The following ACSM3 variants were observed in gnomAD, a reference collection of about 807,000 sequenced individuals.
The protein encoded by ACSM3 is acyl-coenzyme A synthetase ACSM3, mitochondrial.
In ACSM3, 61 loss-of-function variants were observed where a neutral mutation model predicts 74.1. The ratio of observed to expected loss-of-function variants is 0.82; its 90% CI spans 0.67 to 1.02. The LOEUF is 1.02. ACSM3 is among the 50% of genes least tolerant of loss of function. The probability of loss-of-function intolerance (pLI) is 0.00; values close to 1 mark genes in which losing one functional copy is unlikely to be tolerated. For missense variants in ACSM3, 660 were observed against 697.0 expected (o/e 0.95, Z 0.60); for synonymous variants, 213 against 241.5 (o/e 0.88, Z 1.09).
chr16:20,738,891 T>C lies in ACSM3; in HGVS notation c.-189-11019T>C. On this transcript the variant is annotated intron_variant, in intron 1 of 3. Transcript: ENST00000561584. Reference sequence around the variant, plus strand: ...GATCGATAATCTTAGCAAGTATTTGTCACACCTATCCCAAGTGTCCTGATG... The same window carrying C: ...GATCGATAATCTTAGCAAGTATTTGCCACACCTATCCCAAGTGTCCTGATG... 2.5e-6 allele frequency: 4 copies of C among 1,613,826 alleles called. No individual in the cohort carries two copies. In the African/African-American group the frequency reaches 4.0e-5, roughly 16 times the overall value.
intron 1 of ACSM3, among the ~76,000 whole-genome samples, chr16:20,706,548 G>A (rs2079728850): frequency 6.6e-6 from 1 of 152,236 alleles, no homozygotes; most frequent in African/African-American, 2.4e-5. Context: ...TGGAGCCCAA[G>A]ACCTAGGAGA....
chr16:20,727,160 G>GC (rs1297707779), intron 1 of ACSM3, among the ~76,000 whole-genome samples: 1 of 152,108 alleles, frequency 6.6e-6, no homozygotes, highest in Non-Finnish European at 1.5e-5. Context: ...TCACTAATGT[G>GC]CCCCATATGC....
In ACSM3 at chr16:20,719,869, A is replaced by T. The variant is rs140692788; in HGVS notation, c.-189-30041A>T. Among the ~76,000 whole-genome samples the T allele has an allele frequency of 2.4e-4, 36 of 152,364 alleles. No individual in the cohort carries two copies. In the East Asian group the frequency reaches 6.0e-3, roughly 25 times the overall value. ...CGTAATACTCTTCTGGAAATCAGAC[A>T]TGCATGCCCTGCCTTCTCAACCAGG... On this transcript the variant is annotated intron_variant, in intron 1 of 3. Transcript: ENST00000561584.
In ACSM3 at chr16:20,688,637, GA is replaced by G. The variant is rs199595975; in HGVS notation, c.-190+13824del. 2.7e-4 allele frequency among the ~76,000 whole-genome samples: 41 copies of G among 150,348 alleles called. 1 individual carries two copies. The East Asian group carries it at 6.8e-3, about 25-fold the overall frequency. ...GGATGATATATTTAAAGGGCTTAAA[GA>G]AAAAAAAAGCCAACCAAGAATTTTA... On this transcript the variant is annotated intron_variant, in intron 1 of 3. Coordinates refer to the ACSM3 transcript ENST00000561584.
chr16:20,717,841 AAGGAGG>A (rs939046438), intron 1 of ACSM3, among the ~76,000 whole-genome samples: 3 of 149,950 alleles, frequency 2.0e-5, no homozygotes, highest in Admixed American at 2.0e-4. Flanking sequence ...AAGGAAGAAG[AAGGAGG>A]AGGAAGAGGA....
intron 1 of ACSM3, among the ~76,000 whole-genome samples, chr16:20,687,430 G>A (rs1474124199): frequency 2.6e-5 from 4 of 152,116 alleles, no homozygotes; most frequent in African/African-American, 9.7e-5. Context: ...TGCTAGAAAA[G>A]GCCTGAGAAG....
In ACSM3 at chr16:20,775,989, A is replaced by T. The variant is rs1041381470; in HGVS notation, c.370A>T (p.Ile124Phe). Residue 124 changes from isoleucine to phenylalanine, a missense_variant, in exon 3 of 14, where the codon ATT becomes TTT. Physicochemically the swap from Ile to Phe is conservative, Grantham distance 21. Coordinates refer to ENST00000289416, the MANE Select transcript of ACSM3 (RefSeq NM_005622.4). Reference sequence around the variant, plus strand: ...TTCCCTACAAAGAGGAGATCGGGTAATTCTGATTCTGCCCAGGGTCCCAGA... The same window carrying T: ...TTCCCTACAAAGAGGAGATCGGGTATTTCTGATTCTGCCCAGGGTCCCAGA... ...ACSLQRGDRV[I>F]LILPRVPEWW... The T allele has an allele frequency of 6.2e-7, 1 of 1,614,068 alleles. No individual in the cohort carries two copies. The highest frequency in any genetic ancestry group is 1.7e-5 in the Admixed American group (1 of 60,006).
chr16:20,726,958 A>G (rs2079808749), intron 1 of ACSM3, among the ~76,000 whole-genome samples: 2 of 152,212 alleles, frequency 1.3e-5, no homozygotes, highest in South Asian at 2.1e-4. Context: ...GTAGGGGTTG[A>G]GAGGAGTCTA....
chr16:20,756,946 C>G (rs1239360760), intron 3 of ACSM3, among the ~76,000 whole-genome samples: 3 of 151,750 alleles, frequency 2.0e-5, no homozygotes, highest in African/African-American at 7.3e-5. Context: ...GATAGTTGTA[C>G]ATATGCGGCG....
At position 20,681,713 on chromosome 16, in the gene ACSM3, AG is replaced by A. The variant is rs559179773; in HGVS notation, c.-190+6897del. The A allele has an allele frequency of 7.1e-4, 110 of 154,042 alleles. 1 individual carries two copies. Among genetic ancestry groups the A allele is most frequent in the Admixed American group, 5.3e-3 (83 of 15,634 alleles). 9.5% of individuals were successfully genotyped at this position (154,042 alleles called of 1,614,324 possible). ...ACACCTTTGTTATAAAAAGCAACAA[AG>A]GGGGGAAATGGAACAGGAATTAAAA... On this transcript the variant is annotated intron_variant, in intron 1 of 3. Transcript: ENST00000561584.
intron 3 of ACSM3, 43 bp downstream of exon 3, chr16:20,776,092 G>C (rs779863014): frequency 6.3e-7 from 1 of 1,595,522 alleles, no homozygotes; most frequent in African/African-American, 1.3e-5. Context: ...TACTAAGCTG[G>C]AGGGGAGATT....
At chr16:20,702,476 G>A (rs971487905) in intron 1 of ACSM3, among the ~76,000 whole-genome samples, 53 of 152,110 alleles carry the variant, frequency 3.5e-4, no homozygotes, top group African/African-American at 1.2e-3. Context: ...CCTCCCAAAT[G>A]TTTCCTGACT....
At chr16:20,750,074 G>T (rs959784482) in intron 2 of ACSM3, 3 of 152,128 alleles carry the variant, frequency 2.0e-5, no homozygotes, top group African/African-American at 7.2e-5. Flanking sequence ...AAGTGATTGT[G>T]AAATTGTGGA....
chr16:20,692,753 C>T (rs945139006), intron 1 of ACSM3, among the ~76,000 whole-genome samples: 1 of 152,016 alleles, frequency 6.6e-6, no homozygotes, highest in Non-Finnish European at 1.5e-5. Context: ...TCTTGTTATG[C>T]CAGAGTCTGA....
chr16:20,780,888 G>A lies in ACSM3; in HGVS notation c.782+31G>A, dbSNP rs1298136238. The A allele has an allele frequency of 3.1e-6, 5 of 1,613,634 alleles. No homozygotes were observed. The Admixed American group carries it at 5.0e-5, about 16-fold the overall frequency. On this transcript the variant is annotated intron_variant, in intron 5 of 13. Transcript: ENST00000289416. ...CTTTCACAAAAGTGCAGCTTGAAGT[G>A]TCAAAACTGCAAAGATGATGACTTA... is the stretch of plus-strand genomic sequence containing the variant.
intron 1 of ACSM3, chr16:20,691,014 A>G (rs370436903): frequency 6.2e-7 from 1 of 1,612,174 alleles, no homozygotes; most frequent in Non-Finnish European, 8.5e-7. Flanking sequence ...TTTTGAGCCC[A>G]GTAGTCCAGT....
chr16:20,769,856 C>T, intron 1 of ACSM3, 128 bp from the exon 2 acceptor site: 1 of 612,274 alleles, frequency 1.6e-6, no homozygotes, highest in East Asian at 2.8e-5. Flanking sequence ...GTGTTTGGAA[C>T]ACAGAGTGTA....
In ACSM3 at chr16:20,792,524, AACAG is replaced by A. The variant is rs575698138; in HGVS notation, c.1554+193_1554+196del. Reference sequence around the variant, plus strand: ...AATTATGAGTTGCAGCTCTGATCCTAACAGACAAACAAAATAAGGCTGAAAATAC... The same window carrying A: ...AATTATGAGTTGCAGCTCTGATCCTAACAAACAAAATAAGGCTGAAAATAC... On this transcript the variant is annotated intron_variant, in intron 12 of 13. Transcript: ENST00000289416. 121 of 985,412 alleles carry A rather than the reference AACAG, an allele frequency of 1.2e-4. 1 individual carries two copies. The South Asian group carries it at 4.8e-3, about 39-fold the overall frequency. The allele number at this position is 985,412 out of a possible 1,614,324, so 61.0% of individuals were successfully genotyped here. A position where few individuals can be genotyped will look rare whatever the true frequency, so the allele number is the denominator to read the frequency against.
At chr16:20,745,976 A>G (rs564115269) in intron 1 of ACSM3, among the ~76,000 whole-genome samples, 2 of 152,282 alleles carry the variant, frequency 1.3e-5, no homozygotes, top group South Asian at 2.1e-4. Flanking sequence ...CTTGATTCCC[A>G]ATATCTGCTG....
Sources: gnomAD v4.1 joint callset for allele counts (sites outside exome capture counted in the v4.1 genomes callset) on GRCh38, gnomAD v4.1.1 for gene constraint, MANE v1.5 for transcripts, NCBI Gene and HGNC (gene_info 2026-07-23, HGNC 2026-07-21) for gene names.